MS4A4A: variants seen among roughly 807,000 people sequenced by gnomAD.
The protein encoded by MS4A4A is membrane-spanning 4-domains subfamily A member 4A.
Under a neutral mutation model 28.0 loss-of-function variants are expected in MS4A4A, and 26 were observed. The observed-to-expected ratio is 0.93, with a 90% CI of 0.68 to 1.29. The LOEUF (loss-of-function observed/expected upper bound fraction) is 1.29. Ranked by LOEUF, MS4A4A falls within the 50% of genes most tolerant of loss-of-function variation. MS4A4A has a pLI of 0.00. For synonymous variants in MS4A4A, 86 were observed against 100.8 expected (o/e 0.85, Z 0.88); for missense variants, 290 against 293.1 (o/e 0.99, Z 0.08).
chr11:60,299,799 T>TA (rs2084936736), intron 3 of MS4A4A, among the ~76,000 whole-genome samples: 1 of 152,240 alleles, frequency 6.6e-6, no homozygotes, highest in Non-Finnish European at 1.5e-5. Context: ...TTGCAGTTAC[T>TA]AATAATGTTG....
intron 1 of MS4A4A, among the ~76,000 whole-genome samples, chr11:60,288,092 G>A (rs923565290): frequency 1.3e-5 from 2 of 152,118 alleles, no homozygotes; most frequent in African/African-American, 4.8e-5. Context: ...GGCTACACTA[G>A]GCATATCCCT....
chr11:60,287,960 C>T (rs1218251407), intron 1 of MS4A4A, among the ~76,000 whole-genome samples: 5 of 152,176 alleles, frequency 3.3e-5, no homozygotes, highest in African/African-American at 1.2e-4. Context: ...CTGATTGGGG[C>T]CCTCAGACAG....
intron 4 of MS4A4A, 30 bp downstream of exon 4, chr11:60,301,087 A>C (rs755520504): frequency 6.6e-7 from 1 of 1,507,702 alleles, no homozygotes; most frequent in African/African-American, 1.4e-5. Flanking sequence ...TTTGGTATCA[A>C]AAAAAGGAAG....
chr11:60,301,467 A>G (rs563712715), intron 4 of MS4A4A, among the ~76,000 whole-genome samples: 1 of 152,368 alleles, frequency 6.6e-6, no homozygotes, highest in African/African-American at 2.4e-5. Context: ...TTTCAATAAA[A>G]GAAATTCACA....
At chr11:60,298,860 A>ACCTT (rs2084927137) in intron 3 of MS4A4A, among the ~76,000 whole-genome samples, 1 of 152,134 alleles carries the variant, frequency 6.6e-6, no homozygotes, top group South Asian at 2.1e-4. Context: ...TTCTGCGGCT[A>ACCTT]CCTTCCATTA....
In MS4A4A at chr11:60,308,233, CA is replaced by C. The variant is rs1246204519; in HGVS notation, c.*57del. On this transcript the variant is annotated 3_prime_UTR_variant, in exon 7 of 7. Transcript: ENST00000337908. ...CCAGAAATCTATGCTGACTGTGACA[CA>C]AGAGCCTCACATGAGAAATTACCAG... is the stretch of plus-strand genomic sequence containing the variant. The C allele has an allele frequency of 3.3e-6, 5 of 1,532,506 alleles. No individual in the cohort carries two copies. The African/African-American group carries it at 6.8e-5, about 21-fold the overall frequency. The allele number at this position is 1,532,506 out of a possible 1,614,324, so 94.9% of individuals were successfully genotyped here.
At chr11:60,298,855 C>T (rs1392740054) in intron 3 of MS4A4A, among the ~76,000 whole-genome samples, 5 of 152,180 alleles carry the variant, frequency 3.3e-5, no homozygotes, top group South Asian at 2.1e-4. Flanking sequence ...CTCTTTTCTG[C>T]GGCTACCTTC....
At chr11:60,302,341 G>A (rs993835315) in intron 4 of MS4A4A, among the ~76,000 whole-genome samples, 4 of 152,186 alleles carry the variant, frequency 2.6e-5, no homozygotes, top group Admixed American at 1.3e-4. Flanking sequence ...ATGTGCCCAC[G>A]GGAATCATCT....
At chr11:60,285,379 C>A (rs1208958435) in intron 1 of MS4A4A, among the ~76,000 whole-genome samples, 16 of 152,126 alleles carry the variant, frequency 1.1e-4, no homozygotes, top group Non-Finnish European at 1.9e-4. Context: ...TGGCACAGGC[C>A]TGTAATCCCA....
At chr11:60,292,048 C>T (rs564293821) in intron 1 of MS4A4A, among the ~76,000 whole-genome samples, 177 bp from the exon 2 acceptor site, 79 of 152,242 alleles carry the variant, frequency 5.2e-4, no homozygotes, top group Non-Finnish European at 1.0e-3. Flanking sequence ...CACCTGCCCC[C>T]GCCCCACACA....
chr11:60,298,212 T>G lies in MS4A4A; in HGVS notation c.330+887T>G, dbSNP rs1474381802. On this transcript the variant is annotated intron_variant, in intron 3 of 6. Coordinates refer to ENST00000337908, the MANE Select transcript of MS4A4A (RefSeq NM_148975.3). The stretch of plus-strand genomic sequence containing the variant: ...TCCATTGAAGAGAGAAAAATAAAAT[T>G]TATAAGTTGGGTTTATGTTAGAATC... Among the ~76,000 whole-genome samples, 3 of 152,060 alleles carry G rather than the reference T, an allele frequency of 2.0e-5. No individual in the cohort carries two copies. In the South Asian group the frequency reaches 6.2e-4, roughly 32 times the overall value.
At position 60,308,775 on chromosome 11, in the gene MS4A4A, A is replaced by C. The variant is rs2135039296; in HGVS notation, c.*597A>C. The C allele has an allele frequency of 2.6e-5, 4 of 152,296 alleles. No individual in the cohort carries two copies. The South Asian group carries it at 8.3e-4, about 32-fold the overall frequency. The allele number at this position is 152,296 out of a possible 1,614,324, so 9.4% of individuals were successfully genotyped here. On this transcript the variant is annotated 3_prime_UTR_variant, in exon 7 of 7. Transcript: ENST00000337908. ...TGTGCACGAGCTATCATTTGAGTAA[A>C]AGTATACATGGAGTAAAAATCATAT...
At chr11:60,281,762 G>A (rs1412601119) in intron 1 of MS4A4A, among the ~76,000 whole-genome samples, 2 of 152,134 alleles carry the variant, frequency 1.3e-5, no homozygotes, top group Non-Finnish European at 2.9e-5. Flanking sequence ...AATAGAAGAG[G>A]GAAGGGTGGT....
In MS4A4A at chr11:60,281,989, G is replaced by A. The variant is rs924034100; in HGVS notation, c.41+1273G>A. Among the ~76,000 whole-genome samples the A allele has an allele frequency of 2.6e-5, 4 of 152,266 alleles. No individual in the cohort carries two copies. In the Middle Eastern group the frequency reaches 0.014, roughly 518 times the overall value. On this transcript the variant is annotated intron_variant, in intron 1 of 6. Transcript: ENST00000337908. Reference sequence around the variant, plus strand: ...ATGGTAAACACGTTTTTGTTCTTGGGGACTTCATGTGCCGTAGATAATTAA... The same window carrying A: ...ATGGTAAACACGTTTTTGTTCTTGGAGACTTCATGTGCCGTAGATAATTAA...
At chr11:60,295,494 C>T (rs1397488961) in intron 2 of MS4A4A, among the ~76,000 whole-genome samples, 1 of 151,970 alleles carries the variant, frequency 6.6e-6, no homozygotes, top group African/African-American at 2.4e-5. Context: ...CTTTTCTTGT[C>T]TTACTGTTTC....
In MS4A4A at chr11:60,306,332, C is replaced by T. The variant is rs892410022; in HGVS notation, c.648+131C>T. ...AGTTTCCATGGTTCAAGAGTCTGAG[C>T]CCAGCTGAAGTATGTCCTTGACTCA... On this transcript the variant is annotated intron_variant, in intron 6 of 6. Transcript: ENST00000337908. 3 of 770,270 alleles carry T rather than the reference C, an allele frequency of 3.9e-6. No homozygotes were observed. In the African/African-American group the frequency reaches 5.3e-5, roughly 14 times the overall value. 47.7% of individuals were successfully genotyped at this position (770,270 alleles called of 1,614,324 possible).
At chr11:60,306,060 C>T (rs1236253091) in intron 5 of MS4A4A, 40 bp from the exon 6 acceptor site, 3 of 1,487,892 alleles carry the variant, frequency 2.0e-6, no homozygotes, top group Non-Finnish European at 2.8e-6. Context: ...CACTTGTCAT[C>T]TCCATTTCTC....
chr11:60,307,170 A>G (rs1288650237), intron 6 of MS4A4A, among the ~76,000 whole-genome samples: 5 of 152,314 alleles, frequency 3.3e-5, no homozygotes, highest in African/African-American at 1.2e-4. Context: ...CAGCCAAATA[A>G]TAAAATAATC....
intron 6 of MS4A4A, among the ~76,000 whole-genome samples, chr11:60,306,634 T>C (rs1188717390): frequency 2.0e-5 from 3 of 152,232 alleles, no homozygotes; most frequent in Non-Finnish European, 2.9e-5. Flanking sequence ...TCTCATCCTA[T>C]ACACAGGTTC....
Sources: allele counts gnomAD v4.1 joint callset (sites outside exome capture counted in the v4.1 genomes callset), GRCh38; gene constraint gnomAD v4.1.1; transcripts MANE v1.5; gene names NCBI Gene and HGNC (gene_info 2026-07-23, HGNC 2026-07-21).